Variants in SULF1 observed in about 807,000 individuals in gnomAD.
SULF1 encodes sulfatase 1.
In SULF1, 46 loss-of-function variants were observed where a neutral mutation model predicts 110.5. The observed-to-expected ratio is 0.42, with a 90% confidence interval of 0.33 to 0.53. SULF1 has a LOEUF of 0.53. SULF1 is among the 20% of genes least tolerant of loss of function. The pLI is 0.12. For synonymous variants in SULF1, 371 were observed against 387.1 expected, an observed-to-expected ratio of 0.96 and a Z score of 0.49; for missense variants, 941 against 1,094.2, an observed-to-expected ratio of 0.86 and a Z score of 1.98.
chr8:69,654,126 T>G (rs554957755), intron 22 of SULF1, among the ~76,000 whole-genome samples: 1 of 152,316 alleles, frequency 6.6e-6, no homozygotes, highest in Admixed American at 6.5e-5. Flanking sequence ...AGAGACAATG[T>G]CATCTCCTGT....
At chr8:69,486,764 C>T (rs1227032014) in intron 1 of SULF1, among the ~76,000 whole-genome samples, 1 of 152,158 alleles carries the variant, frequency 6.6e-6, no homozygotes, top group East Asian at 1.9e-4. Flanking sequence ...GACCCATGCC[C>T]AAGCCAGCCC....
At chr8:69,520,498 A>G (rs989802551) in intron 3 of SULF1, among the ~76,000 whole-genome samples, 2 of 152,220 alleles carry the variant, frequency 1.3e-5, no homozygotes, top group Admixed American at 6.5e-5. Flanking sequence ...TTAAGATAGG[A>G]TAACAAAAAA....
intron 22 of SULF1, among the ~76,000 whole-genome samples, chr8:69,650,238 G>A (rs1812227555): frequency 6.6e-6 from 1 of 151,668 alleles, no homozygotes. Context: ...AGGCTCAAGC[G>A]ATTCTCCCAT....
rs72658257 is a variant in SULF1, at chr8:69,554,553, G to A, written c.-133-8986G>A. 7.3e-3 allele frequency among the ~76,000 whole-genome samples: 1,110 copies of A among 151,986 alleles called. 7 individuals carry two copies. Among genetic ancestry groups the A allele is most frequent in the Non-Finnish European group, 0.012 (804 of 67,992 alleles). On this transcript the variant is annotated intron_variant, in intron 3 of 22. Coordinates refer to ENST00000402687, the MANE Select transcript of SULF1 (RefSeq NM_001128205.2). ...GTCCAGCCAGTAAACTAACACAGAT[G>A]TCATAAAGTTTCAAGACACTACAGG... is the stretch of plus-strand genomic sequence containing the variant.
At chr8:69,497,055 G>A (rs1810412060) in intron 2 of SULF1, among the ~76,000 whole-genome samples, 20 of 152,164 alleles carry the variant, frequency 1.3e-4, no homozygotes, top group Admixed American at 1.3e-3. Context: ...GTTTTCTAAT[G>A]AGCACACTTT....
chr8:69,576,249 A>G (rs1443380907), intron 6 of SULF1, 40 bp downstream of exon 6: 3 of 1,596,808 alleles, frequency 1.9e-6, no homozygotes, highest in Non-Finnish European at 1.7e-6. Flanking sequence ...GTCTTGTAAT[A>G]TGTCTTAGAC....
intron 5 of SULF1, 46 bp from the exon 6 acceptor site, chr8:69,575,924 T>G: frequency 6.3e-7 from 1 of 1,597,880 alleles, no homozygotes; most frequent in Non-Finnish European, 8.5e-7. Flanking sequence ...AAATAGGCAT[T>G]CATGTGCTGC....
chr8:69,585,722 A>AT (rs987374087), intron 6 of SULF1, among the ~76,000 whole-genome samples: 44 of 152,194 alleles, frequency 2.9e-4, no homozygotes, highest in Non-Finnish European at 1.0e-4. Context: ...TGTTGACAGA[A>AT]TTTTTATTAT....
chr8:69,589,246 A>G, intron 8 of SULF1, 105 bp downstream of exon 8: 1 of 1,140,420 alleles, frequency 8.8e-7, no homozygotes, highest in South Asian at 1.7e-5. Context: ...GCGTATCCAC[A>G]AGGCTTTCTT....
intron 19 of SULF1, 42 bp downstream of exon 19, chr8:69,629,721 G>C (rs78195831): frequency 6.6e-7 from 1 of 1,519,858 alleles, no homozygotes; most frequent in Non-Finnish European, 8.9e-7. Flanking sequence ...CCGCCATGCA[G>C]AGACAGCGAC....
rs568287845 is a variant in SULF1 at position 69,601,702 on chromosome 8, A to G, written c.934A>G (p.Ile312Val). The G allele has an allele frequency of 6.2e-7, 1 of 1,613,366 alleles. No individual in the cohort carries two copies. The highest frequency in any genetic ancestry group is 2.2e-5 in the East Asian group (1 of 44,842). Residue 312 changes from isoleucine to valine, a missense_variant, in exon 10 of 23, where the codon ATT becomes GTT. Ile to Val is a conservative substitution (Grantham distance 29, BLOSUM62 3). Transcript: ENST00000402687. ...GGGGGAGCTGGAGAATACTTACATCATTTACACCGCCGACCATGGTTACCA... is the reference window on the plus strand; with the variant it reads ...GGGGGAGCTGGAGAATACTTACATCGTTTACACCGCCGACCATGGTTACCA... ...ETGELENTYI[I>V]YTADHGYHIG...
intron 3 of SULF1, among the ~76,000 whole-genome samples, chr8:69,515,197 T>C (rs529183068): frequency 6.6e-6 from 1 of 152,272 alleles, no homozygotes; most frequent in African/African-American, 2.4e-5. Flanking sequence ...TGCAGCAGAC[T>C]TCTGCCTGGA....
upstream of SULF1, among the ~76,000 whole-genome samples, chr8:69,491,982 G>T (rs150892039): frequency 2.4e-4 from 36 of 152,182 alleles, 1 homozygote; most frequent in African/African-American, 8.7e-4. Context: ...GAGTAAAGAT[G>T]GGAAATGGAG....
At chr8:69,574,673 G>C (rs1805472334) in intron 5 of SULF1, among the ~76,000 whole-genome samples, 1 of 152,188 alleles carries the variant, frequency 6.6e-6, no homozygotes, top group Admixed American at 6.5e-5. Context: ...AGCCCGGAAT[G>C]CTGAGGTTGA....
chr8:69,608,399 G>A (rs1808389049), intron 13 of SULF1, among the ~76,000 whole-genome samples: 1 of 152,188 alleles, frequency 6.6e-6, no homozygotes, highest in African/African-American at 2.4e-5. Context: ...ATGGGCTGAG[G>A]CCGGGCACGG....
At chr8:69,614,607 C>G (rs1351754377) in intron 13 of SULF1, among the ~76,000 whole-genome samples, 1 of 152,222 alleles carries the variant, frequency 6.6e-6, no homozygotes, top group African/African-American at 2.4e-5. Context: ...ACCAAAATTG[C>G]CAGCCTTCTC....
intron 13 of SULF1, among the ~76,000 whole-genome samples, chr8:69,608,591 C>A (rs6472470): frequency 0.98 from 149,813 of 152,294 alleles, 73,705 homozygotes; most frequent in Middle Eastern, 1. Context: ...AGGCTGAGAC[C>A]GGGGAATCAC....
chr8:69,623,239 C>T (rs548001664), intron 14 of SULF1, among the ~76,000 whole-genome samples: 8 of 148,684 alleles, frequency 5.4e-5, no homozygotes, highest in Non-Finnish European at 1.0e-4. Context: ...TAATCCTCTA[C>T]TATTTGTACA....
rs772711851 is a variant in SULF1 at position 69,589,126 on chromosome 8, A to G, written c.719A>G (p.Asn240Ser). ...SAPQFSKLYP[N>S]ASQHITPSYN... Reference sequence around the variant, plus strand: ...CCACAGTTTTCTAAACTGTACCCCAATGCTTCCCAACACATGTAAGTAACA... The same window carrying G: ...CCACAGTTTTCTAAACTGTACCCCAGTGCTTCCCAACACATGTAAGTAACA... Residue 240 changes from asparagine (N) to serine (S), a missense_variant, in exon 8 of 23, where the codon AAT (asparagine) becomes AGT (serine). Physicochemically the swap from Asn to Ser is conservative, Grantham distance 46. Around this residue, in one of 3 missense-constraint regions of SULF1, gnomAD observed 822 missense variants for 934.3 expected, o/e 0.88. Coordinates refer to ENST00000402687, the MANE Select transcript of SULF1 (RefSeq NM_001128205.2). 4 of 1,613,636 alleles carry G rather than the reference A, an allele frequency of 2.5e-6. No homozygotes were observed. The highest frequency in any genetic ancestry group is 1.7e-4 in the Middle Eastern group (1 of 6,058).
Sources: gnomAD v4.1 joint callset for allele counts (sites outside exome capture counted in the v4.1 genomes callset) on GRCh38, gnomAD v4.1.1 for gene constraint, gnomAD v4.1.1 regional missense constraint, MANE v1.5 for transcripts, NCBI Gene and HGNC (gene_info 2026-07-23, HGNC 2026-07-21) for gene names.